The following TINAGL1 variants were observed in gnomAD, a reference collection of about 807,000 sequenced individuals.
The protein encoded by TINAGL1 is tubulointerstitial nephritis antigen-like.
Under a neutral mutation model 62.0 loss-of-function variants are expected in TINAGL1, and 34 were observed. The ratio of observed to expected loss-of-function variants is 0.55; its 90% confidence interval spans 0.42 to 0.73. The LOEUF is 0.73. Among genes scored for constraint, TINAGL1 ranks in the 30% least tolerant of loss-of-function variants. The probability of loss-of-function intolerance (pLI) is 0.00; values close to 1 mark genes in which losing one functional copy is unlikely to be tolerated. For missense variants in TINAGL1, 516 were observed against 653.2 expected, an observed-to-expected ratio of 0.79 and a Z score of 2.29; for synonymous variants, 221 against 249.7, an observed-to-expected ratio of 0.88 and a Z score of 1.08.
rs1183938892 is a variant in TINAGL1 at position 31,578,997 on chromosome 1, C to T, written c.311-207C>T. On this transcript the variant is annotated intron_variant, in intron 2 of 11. Transcript: ENST00000271064. ...AGTTATAGTTTAATTTTAGTGACAG[C>T]TGGTGTGTGTGTGTGTGTGTGTGTG... 4.9e-5 allele frequency among the ~76,000 whole-genome samples: 4 copies of T among 81,078 alleles called. 1 individual carries two copies. Among genetic ancestry groups the T allele is most frequent in the African/African-American group, 1.5e-4 (4 of 26,506 alleles). 53.2% of individuals were successfully genotyped at this position (81,078 alleles called of 152,430 possible).
rs1638979193 is a variant in TINAGL1 at position 31,576,949 on chromosome 1, A to T, written c.-15-185A>T. The T allele has an allele frequency of 7.2e-6, 4 of 554,050 alleles. No individual in the cohort carries two copies. The Admixed American group carries it at 1.4e-4, about 20-fold the overall frequency. The allele number at this position is 554,050 out of a possible 1,614,324, so 34.3% of individuals were successfully genotyped here. A position where few individuals can be genotyped will look rare whatever the true frequency, so the allele number is the denominator to read the frequency against. ...TCAGGGAGGGGCTCCGTTTCTGCCC[A>T]GTCCCCATCCCCCTATAGCCAGGGC... On this transcript the variant is annotated intron_variant, in intron 1 of 11. Coordinates refer to ENST00000271064, the MANE Select transcript of TINAGL1 (RefSeq NM_022164.3). This position sits in a 1 kb window ranked among gnomAD's most constrained non-coding sequence, Gnocchi z 5.1.
Position 31,583,649 on chromosome 1 carries a change from T to G in TINAGL1, c.582+74T>G. 1 of 1,360,276 alleles carries G rather than the reference T, an allele frequency of 7.4e-7. No individual in the cohort carries two copies. Among genetic ancestry groups the G allele is most frequent in the Non-Finnish European group, 1.0e-6 (1 of 982,142 alleles). 84.3% of individuals were successfully genotyped at this position (1,360,276 alleles called of 1,614,324 possible). On this transcript the variant is annotated intron_variant, in intron 5 of 11. Coordinates refer to ENST00000271064, the MANE Select transcript of TINAGL1 (RefSeq NM_022164.3). The surrounding 1 kb of genome is among the most constrained non-coding windows in gnomAD (Gnocchi z 4.4). Reference sequence around the variant, plus strand: ...CCTCAGGGATGCTGGCCCTGTGCCCTGCTCCTCCAAGGGCCTGGACCATCC... The same window carrying G: ...CCTCAGGGATGCTGGCCCTGTGCCCGGCTCCTCCAAGGGCCTGGACCATCC...
intron 2 of TINAGL1, chr1:31,578,117 T>C: frequency 1.0e-6 from 1 of 985,690 alleles, no homozygotes; most frequent in Non-Finnish European, 1.2e-6. Context: ...CCAGGAATGT[T>C]GTGGCTGGCA....
chr1:31,580,501 T>G (rs961640647), intron 3 of TINAGL1: 149 of 1,288,864 alleles, frequency 1.2e-4, no homozygotes, highest in Non-Finnish European at 1.4e-4. Context: ...TGCCTAGGTG[T>G]GCAGAGGGGG....
At chr1:31,582,314 C>T (rs961868992) in intron 3 of TINAGL1, among the ~76,000 whole-genome samples, 13 of 131,782 alleles carry the variant, frequency 9.9e-5, no homozygotes, top group Admixed American at 3.2e-4. Context: ...GGCAACAGAG[C>T]AAGACCCTGT....
chr1:31,587,575 C>T lies in TINAGL1; in HGVS notation c.*596C>T, dbSNP rs142758499. The T allele has an allele frequency of 9.2e-3, 1,398 of 152,536 alleles. 8 individuals carry two copies. The highest frequency in any genetic ancestry group is 0.015 in the Non-Finnish European group (1,024 of 68,170). The allele number at this position is 152,536 out of a possible 1,614,324, so 9.4% of individuals were successfully genotyped here. On this transcript the variant is annotated 3_prime_UTR_variant, in exon 12 of 12. Transcript: ENST00000271064. ...TCAAGCGGTCCACCTGCCTCCGCCT[C>T]CCAAAGTGCTGGGATTGCAGGCATG...
Position 31,583,130 on chromosome 1 carries a change from T to C in TINAGL1, c.375-19T>C. The C allele has an allele frequency of 6.2e-7, 1 of 1,613,002 alleles. No homozygotes were observed. Among genetic ancestry groups the C allele is most frequent in the Non-Finnish European group, 8.5e-7 (1 of 1,179,114 alleles). On this transcript the variant is annotated intron_variant, in intron 3 of 11. Coordinates refer to ENST00000271064, the MANE Select transcript of TINAGL1 (RefSeq NM_022164.3). The surrounding 1 kb of genome is among the most constrained non-coding windows in gnomAD (Gnocchi z 4.4). ...CCCAGTCCCCCACTTACCCTTTCCTTCTCTCCTTTTCTCACCAGCACCTGC... is the reference window on the plus strand; with the variant it reads ...CCCAGTCCCCCACTTACCCTTTCCTCCTCTCCTTTTCTCACCAGCACCTGC...
chr1:31,586,646 G>C lies in TINAGL1; in HGVS notation c.1218-64G>C, dbSNP rs531891233. The C allele has an allele frequency of 1.4e-3, 2,179 of 1,549,592 alleles. 3 individuals are homozygous for C. The highest frequency in any genetic ancestry group is 1.8e-3 in the Non-Finnish European group (2,012 of 1,144,770). On this transcript the variant is annotated intron_variant, in intron 10 of 11. Coordinates refer to ENST00000271064, the MANE Select transcript of TINAGL1 (RefSeq NM_022164.3). ...TGGGGGCTGGATGGGGCAGGTTTCC[G>C]GGATTGGAGCTCCTGAGAGCAGGTA...
At chr1:31,580,783 C>G (rs1465721926) in intron 3 of TINAGL1, 4 of 1,206,716 alleles carry the variant, frequency 3.3e-6, no homozygotes, top group Non-Finnish European at 3.2e-6. Context: ...GCCCTTCAGT[C>G]GGCACCTATT....
At position 31,585,493 on chromosome 1, in the gene TINAGL1, C is replaced by T; in HGVS notation, c.1093+8C>T. The T allele has an allele frequency of 6.2e-7, 1 of 1,614,126 alleles. No individual in the cohort carries two copies. ...AGAATGGCCCTGTCCAAGGTAAACC[C>T]CCTTATCCAGCACCCTGGTTCCAGA... On this transcript the variant is annotated splice_region_variant and intron_variant, in intron 9 of 11. Coordinates refer to ENST00000271064, the MANE Select transcript of TINAGL1 (RefSeq NM_022164.3). The surrounding 1 kb of genome is among the most constrained non-coding windows in gnomAD (Gnocchi z 4.3).
At chr1:31,586,782 C>G in intron 11 of TINAGL1, 27 bp downstream of exon 11, 1 of 1,550,338 alleles carries the variant, frequency 6.5e-7, no homozygotes, top group Non-Finnish European at 8.7e-7. Flanking sequence ...TTTCCCCGCC[C>G]CCTCTTCCCC....
chr1:31,586,901 C>T lies in TINAGL1; in HGVS notation c.1326C>T (p.Gly442=), dbSNP rs979866328. The change falls in exon 12 of 12, where the codon GGC becomes GGT. Residue 442 remains glycine (G), a synonymous_variant. Coordinates refer to ENST00000271064, the MANE Select transcript of TINAGL1 (RefSeq NM_022164.3). Reference sequence around the variant, plus strand: ...GGGGCCACTTCCGCATCGTGCGCGGCGTCAATGAGTGCGACATCGAGAGCT... The same window carrying T: ...GGGGCCACTTCCGCATCGTGCGCGGTGTCAATGAGTGCGACATCGAGAGCT... ...GERGHFRIVR[G]VNECDIESFV... 2.6e-6 allele frequency: 4 copies of T among 1,546,998 alleles called. No homozygotes were observed. The South Asian group carries it at 3.7e-5, about 14-fold the overall frequency.
chr1:31,583,082 A>T lies in TINAGL1; in HGVS notation c.375-67A>T, dbSNP rs1008824555. The T allele has an allele frequency of 1.5e-5, 21 of 1,442,888 alleles. No individual in the cohort carries two copies. Among genetic ancestry groups the T allele is most frequent in the Non-Finnish European group, 2.0e-5 (21 of 1,024,690 alleles). 89.4% of individuals were successfully genotyped at this position (1,442,888 alleles called of 1,614,324 possible). A position where few individuals can be genotyped will look rare whatever the true frequency, so the allele number is the denominator to read the frequency against. On this transcript the variant is annotated intron_variant, in intron 3 of 11. Coordinates refer to ENST00000271064, the MANE Select transcript of TINAGL1 (RefSeq NM_022164.3). This position sits in a 1 kb window ranked among gnomAD's most constrained non-coding sequence, Gnocchi z 4.4. ...ACTCCCTGGCCCATGTTAACCTCCGAGGCCACATTCCTTCAAAGTATCCCC... is the reference window on the plus strand; with the variant it reads ...ACTCCCTGGCCCATGTTAACCTCCGTGGCCACATTCCTTCAAAGTATCCCC...
chr1:31,586,350 C>T (rs1639390762), intron 10 of TINAGL1: 1 of 458,200 alleles, frequency 2.2e-6, no homozygotes, highest in Admixed American at 3.8e-5. Context: ...TTCCTTCTGG[C>T]CCTTGGCACC....
At chr1:31,580,214 TC>T (rs1639198980) in intron 3 of TINAGL1, 1 of 607,406 alleles carries the variant, frequency 1.6e-6, no homozygotes, top group African/African-American at 3.2e-5. Flanking sequence ...TCTCTCTCTG[TC>T]TCTCTCTCTC....
At position 31,577,929 on chromosome 1, in the gene TINAGL1, C is replaced by T. The variant is rs1359558026; in HGVS notation, c.310+471C>T. 6.6e-6 allele frequency among the ~76,000 whole-genome samples: 1 copy of T among 152,204 alleles called. No individual in the cohort carries two copies. The highest frequency in any genetic ancestry group is 1.5e-5 in the Non-Finnish European group (1 of 68,036). ...TTGCCCCTGTCCAATAGGAGAATCA[C>T]TTGCGTTCCTTCCCACAGTTCCATG... On this transcript the variant is annotated intron_variant, in intron 2 of 11. Transcript: ENST00000271064. This position sits in a 1 kb window ranked among gnomAD's most constrained non-coding sequence, Gnocchi z 5.4.
intron 3 of TINAGL1, among the ~76,000 whole-genome samples, chr1:31,580,050 GACTGTGTGTGC>G (rs1639174295): frequency 6.8e-6 from 1 of 146,772 alleles, no homozygotes; most frequent in Non-Finnish European, 1.5e-5. Flanking sequence ...TGTTCAGCGT[GACTGTGTGTGC>G]ACTGTGTGTG....
chr1:31,584,354 G>A lies in TINAGL1; in HGVS notation c.583-324G>A, dbSNP rs1198045139. 1 of 339,408 alleles carries A rather than the reference G, an allele frequency of 2.9e-6. No homozygotes were observed. Among genetic ancestry groups the A allele is most frequent in the African/African-American group, 2.1e-5 (1 of 48,166 alleles). 21.0% of individuals were successfully genotyped at this position (339,408 alleles called of 1,614,324 possible). On this transcript the variant is annotated intron_variant, in intron 5 of 11. Coordinates refer to ENST00000271064, the MANE Select transcript of TINAGL1 (RefSeq NM_022164.3). The surrounding 1 kb of genome is among the most constrained non-coding windows in gnomAD (Gnocchi z 4.0). Reference sequence around the variant, plus strand: ...GGCCGATCAGAAGGTGCAGAGGAAAGAGGCAGGGGTTGAGAATGGAAAGCT... The same window carrying A: ...GGCCGATCAGAAGGTGCAGAGGAAAAAGGCAGGGGTTGAGAATGGAAAGCT...
At chr1:31,580,681 G>A in intron 3 of TINAGL1, 1 of 1,287,530 alleles carries the variant, frequency 7.8e-7, no homozygotes, top group South Asian at 1.2e-5. Flanking sequence ...ATTGGAGGTG[G>A]GAGCCTTGGA....
Sources: allele counts gnomAD v4.1 joint callset (sites outside exome capture counted in the v4.1 genomes callset), GRCh38; gene constraint gnomAD v4.1.1; non-coding constraint Gnocchi (gnomAD v3.1); transcripts MANE v1.5; gene names NCBI Gene and HGNC (gene_info 2026-07-23, HGNC 2026-07-21).